Variants in GHR observed in about 807,000 individuals in gnomAD.
GHR encodes GH receptor.
A neutral mutation model predicts 67.1 loss-of-function variants in GHR; 35 were observed. The ratio of observed to expected loss-of-function variants is 0.52; its 90% CI spans 0.40 to 0.69. The LOEUF is 0.69. Ranked by LOEUF, GHR falls within the 30% of genes least tolerant of loss-of-function variation. The probability of loss-of-function intolerance (pLI) is 0.00; values close to 1 mark genes in which losing one functional copy is unlikely to be tolerated. For missense variants in GHR, 792 were observed against 764.6 expected (o/e 1.04, Z -0.42); for synonymous variants, 272 against 269.1 (o/e 1.01, Z -0.10).
Position 42,665,463 on chromosome 5 carries a change from G to A in GHR, c.137-23427G>A, listed in dbSNP as rs1287618451. ...CCTTTGTAGGGACATGGATGAAATT[G>A]GAAATCATCATTCTGAGTAAACTAT... On this transcript the variant is annotated intron_variant, in intron 3 of 9. Transcript: ENST00000230882. Among the ~76,000 whole-genome samples the A allele has an allele frequency of 5.3e-5, 8 of 151,988 alleles. 1 individual carries two copies. In the South Asian group the frequency reaches 1.7e-3, roughly 32 times the overall value.
intron 4 of GHR, 100 bp downstream of exon 4, chr5:42,689,119 T>G: frequency 9.6e-7 from 1 of 1,045,970 alleles, no homozygotes; most frequent in Non-Finnish European, 1.5e-6. Context: ...TTTGTTGTGA[T>G]TTATGCAATC....
chr5:42,652,457 G>T (rs1755058711), intron 3 of GHR, among the ~76,000 whole-genome samples: 1 of 152,022 alleles, frequency 6.6e-6, no homozygotes, highest in South Asian at 2.1e-4. Flanking sequence ...GCCAAAATTG[G>T]TTACTGTGTT....
At position 42,699,858 on chromosome 5, in the gene GHR, T is replaced by G; in HGVS notation, c.474T>G (p.Thr158=). ...ATCCACCCATTGCCCTCAACTGGAC[T>G]TTACTGAACGTCAGTTTAACTGGGA... ...QPDPPIALNW[T]LLNVSLTGIH... is the part of the protein sequence containing the mutation. The change falls in exon 6 of 10, where the codon ACT becomes ACG. Residue 158 remains threonine, a synonymous_variant. Transcript: ENST00000230882. 2 of 1,611,878 alleles carry G rather than the reference T, an allele frequency of 1.2e-6. No individual in the cohort carries two copies. The highest frequency in any genetic ancestry group is 2.7e-5 in the African/African-American group (2 of 75,014).
chr5:42,585,090 C>T (rs1235133617), intron 2 of GHR, among the ~76,000 whole-genome samples: 6 of 152,194 alleles, frequency 3.9e-5, no homozygotes, highest in Non-Finnish European at 7.3e-5. Flanking sequence ...ATGAGGTATC[C>T]TTTCAGCTGT....
chr5:42,519,114 C>T (rs186129439), intron 1 of GHR, among the ~76,000 whole-genome samples: 3 of 152,244 alleles, frequency 2.0e-5, no homozygotes, highest in Admixed American at 1.3e-4. Context: ...TAAATAATAT[C>T]GTATATACTT....
At chr5:42,705,577 C>T (rs1758137547) in intron 6 of GHR, among the ~76,000 whole-genome samples, 3 of 151,936 alleles carry the variant, frequency 2.0e-5, no homozygotes, top group Admixed American at 6.6e-5. Context: ...TCCAGTAGGC[C>T]CCAGTATCTG....
rs1247837271 is a variant in GHR, at chr5:42,565,883, C to T, written c.9C>T (p.Leu3=). 1.2e-5 allele frequency: 19 copies of T among 1,613,894 alleles called. No homozygotes were observed. The highest frequency in any genetic ancestry group is 2.7e-5 in the African/African-American group (2 of 74,908). MD[L]WQLLLTLALA... ...TTGCAGGTCCTACAGGTATGGATCT[C>T]TGGCAGCTGCTGTTGACCTTGGCAC... The change falls in exon 2 of 10, where the codon CTC becomes CTT. Residue 3 remains leucine (L), a synonymous_variant. Transcript: ENST00000230882.
At chr5:42,575,798 G>A (rs1750629222) in intron 2 of GHR, among the ~76,000 whole-genome samples, 1 of 151,532 alleles carries the variant, frequency 6.6e-6, no homozygotes, top group African/African-American at 2.4e-5. Context: ...CACTTTGGGA[G>A]GCCAAGGCGG....
intron 1 of GHR, among the ~76,000 whole-genome samples, chr5:42,429,689 A>G (rs1288350622): frequency 6.6e-6 from 1 of 152,208 alleles, no homozygotes; most frequent in African/African-American, 2.4e-5. Context: ...GGTAAATAAA[A>G]TTCTATAAAC....
At chr5:42,476,350 G>C (rs1745317179) in intron 1 of GHR, among the ~76,000 whole-genome samples, 1 of 152,018 alleles carries the variant, frequency 6.6e-6, no homozygotes, top group African/African-American at 2.4e-5. Flanking sequence ...CTCCCGAGTA[G>C]CTGGGATTAC....
At chr5:42,524,450 A>G (rs998546796) in intron 1 of GHR, among the ~76,000 whole-genome samples, 4 of 152,236 alleles carry the variant, frequency 2.6e-5, no homozygotes, top group African/African-American at 9.6e-5. Context: ...ACAACAAAGC[A>G]TTCAAGAGGT....
At chr5:42,514,222 T>C in intron 1 of GHR, 3 of 985,362 alleles carry the variant, frequency 3.0e-6, no homozygotes, top group Non-Finnish European at 3.6e-6. Context: ...TGGGTGCAAG[T>C]CCACAGGCAA....
chr5:42,633,139 C>T (rs1025044310), intron 3 of GHR, among the ~76,000 whole-genome samples: 1 of 151,976 alleles, frequency 6.6e-6, no homozygotes, highest in Admixed American at 6.6e-5. Context: ...AGATTTTTCC[C>T]CTATTTTTAA....
At chr5:42,652,754 C>T (rs1657533013) in intron 3 of GHR, among the ~76,000 whole-genome samples, 1 of 152,074 alleles carries the variant, frequency 6.6e-6, no homozygotes, top group Non-Finnish European at 1.5e-5. Flanking sequence ...ACTGTTATCC[C>T]TCTTTAACAG....
chr5:42,568,742 T>C (rs1750096228), intron 2 of GHR, among the ~76,000 whole-genome samples: 1 of 152,184 alleles, frequency 6.6e-6, no homozygotes, highest in African/African-American at 2.4e-5. Context: ...AGAGCCTGTA[T>C]ACCTTTAAAG....
chr5:42,592,034 A>G (rs1191367811), intron 2 of GHR, among the ~76,000 whole-genome samples: 1 of 152,056 alleles, frequency 6.6e-6, no homozygotes, highest in Non-Finnish European at 1.5e-5. Flanking sequence ...CTGAGAAAGC[A>G]AGCAGACTCA....
intron 3 of GHR, among the ~76,000 whole-genome samples, chr5:42,659,904 C>T (rs924780334): frequency 6.6e-6 from 1 of 152,132 alleles, no homozygotes; most frequent in South Asian, 2.1e-4. Context: ...CACTCCCACC[C>T]TAATACTGCG....
chr5:42,649,050 A>G (rs1447832261), intron 3 of GHR, among the ~76,000 whole-genome samples: 2 of 152,164 alleles, frequency 1.3e-5, no homozygotes, highest in Non-Finnish European at 2.9e-5. Context: ...TGGAACTCAA[A>G]TGAGGAGCCA....
intron 1 of GHR, chr5:42,465,984 T>C (rs111628055): frequency 1.6e-6 from 1 of 641,574 alleles, no homozygotes; most frequent in Non-Finnish European, 2.8e-6. Flanking sequence ...GCAGGTCTTC[T>C]TCCAACTTGT....
Sources: allele counts gnomAD v4.1 joint callset (sites outside exome capture counted in the v4.1 genomes callset), GRCh38; gene constraint gnomAD v4.1.1; transcripts MANE v1.5; gene names NCBI Gene and HGNC (gene_info 2026-07-23, HGNC 2026-07-21).